Variants in PCDH9 observed in about 807,000 individuals in gnomAD.
PCDH9 encodes protocadherin 9.
PCDH9 carries 24 observed loss-of-function variants against 70.6 expected under a neutral mutation model. That is an observed-to-expected ratio of 0.34 (90% CI 0.25 to 0.48). The LOEUF is 0.48. Among genes scored for constraint, PCDH9 ranks in the 20% least tolerant of loss-of-function variants. The pLI is 0.99. For missense variants in PCDH9, 1,281 were observed against 1,503.6 expected, an observed-to-expected ratio of 0.85 and a Z score of 2.45; for synonymous variants, 562 against 558.5, an observed-to-expected ratio of 1.01 and a Z score of -0.09.
At chr13:66,705,368 T>A (rs186005011) in intron 3 of PCDH9, among the ~76,000 whole-genome samples, 6 of 152,324 alleles carry the variant, frequency 3.9e-5, no homozygotes, top group Admixed American at 1.3e-4. Flanking sequence ...CAAATTTGGA[T>A]GCTAACACAT....
intron 2 of PCDH9, among the ~76,000 whole-genome samples, chr13:67,040,060 C>T (rs2139904664): frequency 6.6e-6 from 1 of 152,196 alleles, no homozygotes; most frequent in South Asian, 2.1e-4. Flanking sequence ...TACTAAAGCA[C>T]TTACACAATA....
chr13:67,030,668 T>C (rs920928692), intron 2 of PCDH9, among the ~76,000 whole-genome samples: 4 of 152,148 alleles, frequency 2.6e-5, no homozygotes, highest in African/African-American at 9.7e-5. Context: ...AAATATTATA[T>C]ATTAATAAAA....
At chr13:66,511,299 A>G (rs1959457821) in intron 4 of PCDH9, among the ~76,000 whole-genome samples, 2 of 152,170 alleles carry the variant, frequency 1.3e-5, no homozygotes, top group African/African-American at 4.8e-5. Flanking sequence ...ATATTCACAT[A>G]TACTTGGATT....
At position 67,078,049 on chromosome 13, in the gene PCDH9, C is replaced by T. The variant is rs142479917; in HGVS notation, c.3036+147356G>A. Among the ~76,000 whole-genome samples the T allele has an allele frequency of 2.2e-3, 329 of 152,230 alleles. 1 individual carries two copies. Among genetic ancestry groups the T allele is most frequent in the Admixed American group, 3.3e-3 (50 of 15,276 alleles). ...CTGCATTATATTCTACACGTTCCAG[C>T]CAAAGGAAACTACTTGGCATTCCTG... On this transcript the variant is annotated intron_variant, in intron 2 of 4. Transcript: ENST00000377865.
chr13:66,557,603 C>G (rs1399409051), intron 4 of PCDH9, among the ~76,000 whole-genome samples: 1 of 152,108 alleles, frequency 6.6e-6, no homozygotes, highest in Non-Finnish European at 1.5e-5. Context: ...GCCCTCTGTA[C>G]TGGTTACAAC....
At chr13:66,551,241 T>G (rs1024936110) in intron 4 of PCDH9, among the ~76,000 whole-genome samples, 2 of 152,168 alleles carry the variant, frequency 1.3e-5, no homozygotes, top group African/African-American at 4.8e-5. Flanking sequence ...CAATTTAAGC[T>G]GTCTCCACCA....
At chr13:66,405,811 C>A (rs1458369376) in intron 4 of PCDH9, among the ~76,000 whole-genome samples, 1 of 152,108 alleles carries the variant, frequency 6.6e-6, no homozygotes, top group African/African-American at 2.4e-5. Context: ...TATGTCTTGG[C>A]CTCTCCAGGA....
In PCDH9 at chr13:67,070,518, A is replaced by G. The variant is rs555240678; in HGVS notation, c.3036+154887T>C. Among the ~76,000 whole-genome samples the G allele has an allele frequency of 3.3e-5, 5 of 152,268 alleles. No individual in the cohort carries two copies. The South Asian group carries it at 1.0e-3, about 32-fold the overall frequency. On this transcript the variant is annotated intron_variant, in intron 2 of 4. Coordinates refer to ENST00000377865, the MANE Select transcript of PCDH9 (RefSeq NM_203487.3). ...TAAACTTTTCCTCTTCAGACTCACAATTGTTTCAGTAATCTACCTGCTGTG... is the reference window on the plus strand; with the variant it reads ...TAAACTTTTCCTCTTCAGACTCACAGTTGTTTCAGTAATCTACCTGCTGTG...
rs533915358 is a variant in PCDH9, at chr13:66,724,928, A to T, written c.3139-93517T>A. Among the ~76,000 whole-genome samples the T allele has an allele frequency of 8.5e-5, 13 of 152,250 alleles. No individual in the cohort carries two copies. In the South Asian group the frequency reaches 2.7e-3, roughly 32 times the overall value. On this transcript the variant is annotated intron_variant, in intron 3 of 4. Transcript: ENST00000377865. ...TCTTTTTGTTCTTATTTGGGTAGTC[A>T]TTATACAGTTCAACCAATGTTTGAG... is the stretch of plus-strand genomic sequence containing the variant.
At chr13:67,178,246 A>G (rs953860968) in intron 2 of PCDH9, among the ~76,000 whole-genome samples, 9 of 152,092 alleles carry the variant, frequency 5.9e-5, no homozygotes, top group Admixed American at 4.6e-4. Flanking sequence ...TATGAAAGTT[A>G]AAGGTCAAAC....
chr13:66,592,215 A>C (rs1377924755), intron 4 of PCDH9, among the ~76,000 whole-genome samples: 2 of 151,768 alleles, frequency 1.3e-5, no homozygotes, highest in Admixed American at 1.3e-4. Flanking sequence ...TGTGTTCAAC[A>C]AAACAACAAC....
intron 2 of PCDH9, among the ~76,000 whole-genome samples, chr13:67,016,423 T>G (rs1439516144): frequency 2.0e-5 from 3 of 152,112 alleles, no homozygotes; most frequent in African/African-American, 7.2e-5. Context: ...TTTGAGCTAC[T>G]CAAGAAAAGC....
At chr13:66,934,700 T>G (rs561387114) in intron 2 of PCDH9, among the ~76,000 whole-genome samples, 39 of 144,368 alleles carry the variant, frequency 2.7e-4, no homozygotes, top group African/African-American at 9.8e-4. Flanking sequence ...TCAATTTCCA[T>G]GTGTTTGCTT....
In PCDH9 at chr13:67,225,555, G is replaced by A; in HGVS notation, c.2886C>T (p.His962=). The change falls in exon 2 of 5, where the codon CAC becomes CAT. Residue 962 remains histidine (H), a synonymous_variant. Coordinates refer to ENST00000377865, the MANE Select transcript of PCDH9 (RefSeq NM_203487.3). ...TGTCCAAAGGGAGTTCCTGAATCAC[G>A]TGGTGCTTTTTCACGGAAACTGGAG... The part of the protein sequence containing the change: ...PDTPVSVKKH[H]VIQELPLDNT... 2 of 1,614,086 alleles carry A rather than the reference G, an allele frequency of 1.2e-6. No individual in the cohort carries two copies. Among genetic ancestry groups the A allele is most frequent in the Non-Finnish European group, 1.7e-6 (2 of 1,180,010 alleles).
intron 2 of PCDH9, among the ~76,000 whole-genome samples, chr13:67,102,395 AC>A (rs2086452364): frequency 6.6e-6 from 1 of 152,174 alleles, no homozygotes; most frequent in Non-Finnish European, 1.5e-5. Flanking sequence ...TATTCTAAAC[AC>A]AGAAAGACAC....
intron 3 of PCDH9, among the ~76,000 whole-genome samples, chr13:66,722,543 A>C (rs946045221): frequency 6.6e-6 from 1 of 152,184 alleles, no homozygotes; most frequent in Non-Finnish European, 1.5e-5. Context: ...TAGGCCAAGT[A>C]GAGTTACTTC....
At chr13:67,102,063 G>A (rs1189987311) in intron 2 of PCDH9, among the ~76,000 whole-genome samples, 1 of 152,034 alleles carries the variant, frequency 6.6e-6, no homozygotes, top group African/African-American at 2.4e-5. Flanking sequence ...CTGGCAAAAA[G>A]ATCCCTTTTC....
At chr13:66,676,327 T>C (rs2078242013) in intron 3 of PCDH9, among the ~76,000 whole-genome samples, 1 of 152,158 alleles carries the variant, frequency 6.6e-6, no homozygotes, top group Non-Finnish European at 1.5e-5. Flanking sequence ...GTAATTATTA[T>C]TACAGTCCAA....
chr13:66,574,898 C>T (rs531071195), intron 4 of PCDH9, among the ~76,000 whole-genome samples: 7 of 152,088 alleles, frequency 4.6e-5, no homozygotes, highest in African/African-American at 9.7e-5. Context: ...TTGGGCCGGG[C>T]GCAGTGGCTC....
Sources: gnomAD v4.1 joint callset for allele counts (sites outside exome capture counted in the v4.1 genomes callset) on GRCh38, gnomAD v4.1.1 for gene constraint, MANE v1.5 for transcripts, NCBI Gene and HGNC (gene_info 2026-07-23, HGNC 2026-07-21) for gene names.